EPHA3: variants seen among roughly 807,000 people sequenced by gnomAD.
EPHA3 encodes EPH receptor A3, also known as ephrin type-A receptor 3.
In EPHA3, 42 loss-of-function variants were observed where a neutral mutation model predicts 107.1. The observed-to-expected ratio is 0.39, with a 90% CI of 0.31 to 0.51. The LOEUF (loss-of-function observed/expected upper bound fraction) is 0.51, where lower values mean the gene tolerates loss of function less well. Ranked by LOEUF, EPHA3 falls within the 20% of genes least tolerant of loss-of-function variation. The probability of loss-of-function intolerance (pLI) is 0.78; values close to 1 mark genes in which losing one functional copy is unlikely to be tolerated. For synonymous variants in EPHA3, 461 were observed against 424.8 expected (o/e 1.09, Z -1.05); for missense variants, 1,183 against 1,211.2 (o/e 0.98, Z 0.35).
chr3:89,477,535 G>A (rs190788769), intron 16 of EPHA3, among the ~76,000 whole-genome samples: 12 of 152,114 alleles, frequency 7.9e-5, no homozygotes, highest in East Asian at 1.9e-4. Context: ...TTAAGAAATC[G>A]ATTAATCCAT....
chr3:89,431,011 T>A, intron 12 of EPHA3, 139 bp from the exon 13 acceptor site: 2 of 743,790 alleles, frequency 2.7e-6, no homozygotes, highest in Non-Finnish European at 4.3e-6. Context: ...TTGCCACATA[T>A]CTTTGTCTTG....
rs11272670 is a variant in EPHA3, at chr3:89,208,399, A to AAAGGAAGGAAGGAAGGAAGGAAGGAAGG, written c.154-1434_154-1433insGAAGGAAGGAAGGAAGGAAGGAAGGAAG. 1.6e-3 allele frequency among the ~76,000 whole-genome samples: 42 copies of AAAGGAAGGAAGGAAGGAAGGAAGGAAGG among 26,910 alleles called. 12 individuals carry two copies. Among genetic ancestry groups the AAAGGAAGGAAGGAAGGAAGGAAGGAAGG allele is most frequent in the African/African-American group, 4.8e-3 (26 of 5,376 alleles). 17.7% of individuals were successfully genotyped at this position (26,910 alleles called of 152,430 possible). Reference sequence around the variant, plus strand: ...AAAAAAAAAAGAAAAGAAAGAAAGAAAAGGAAGGAAGGAAGGAAGGAAGGA... The same window carrying AAAGGAAGGAAGGAAGGAAGGAAGGAAGG: ...AAAAAAAAAAGAAAAGAAAGAAAGAAAAGGAAGGAAGGAAGGAAGGAAGGAAGGAAGGAAGGAAGGAAGGAAGGAAGGA... On this transcript the variant is annotated intron_variant, in intron 2 of 16. Transcript: ENST00000336596.
intron 3 of EPHA3, among the ~76,000 whole-genome samples, chr3:89,277,473 C>T (rs184300910): frequency 6.6e-6 from 1 of 152,158 alleles, no homozygotes; most frequent in African/African-American, 2.4e-5. Flanking sequence ...AAAGATAAAT[C>T]TTCTCCACAA....
intron 5 of EPHA3, among the ~76,000 whole-genome samples, chr3:89,343,841 A>T (rs911696259): frequency 2.0e-5 from 3 of 152,184 alleles, no homozygotes; most frequent in Non-Finnish European, 4.4e-5. Flanking sequence ...TCCCAGACCA[A>T]CCAGTATATG....
chr3:89,115,391 C>A (rs1262520203), intron 1 of EPHA3, among the ~76,000 whole-genome samples: 1 of 152,020 alleles, frequency 6.6e-6, no homozygotes, highest in Non-Finnish European at 1.5e-5. Flanking sequence ...CCGTGTTTGA[C>A]TGACACCATT....
chr3:89,373,449 A>G (rs929250151), intron 5 of EPHA3, among the ~76,000 whole-genome samples: 2 of 151,948 alleles, frequency 1.3e-5, no homozygotes, highest in African/African-American at 4.8e-5. Flanking sequence ...TCACAAAACA[A>G]AACCCTGGTG....
intron 6 of EPHA3, among the ~76,000 whole-genome samples, chr3:89,396,569 A>T (rs1463860202): frequency 3.3e-5 from 5 of 152,206 alleles, no homozygotes; most frequent in African/African-American, 1.2e-4. Flanking sequence ...ATTAAAAAAT[A>T]GTTATGTGGT....
chr3:89,310,763 A>T (rs1400085862), intron 3 of EPHA3, among the ~76,000 whole-genome samples: 2 of 152,162 alleles, frequency 1.3e-5, no homozygotes, highest in Non-Finnish European at 2.9e-5. Flanking sequence ...TCATCACCTC[A>T]TGACTTGTCA....
intron 3 of EPHA3, among the ~76,000 whole-genome samples, chr3:89,291,858 G>A (rs139505350): frequency 3.2e-4 from 49 of 152,254 alleles, no homozygotes; most frequent in South Asian, 2.9e-3. Context: ...CAACAAACTT[G>A]TAATCTATGA....
rs1329960943 is a variant in EPHA3, at chr3:89,480,384, C to T, written c.*882C>T. On this transcript the variant is annotated 3_prime_UTR_variant, in exon 17 of 17. Coordinates refer to ENST00000336596, the MANE Select transcript of EPHA3 (RefSeq NM_005233.6). Reference sequence around the variant, plus strand: ...TCTGTTATCCCAATCATTGTTGCCTCTCCGTTTATTATAAACTGTATGCTC... The same window carrying T: ...TCTGTTATCCCAATCATTGTTGCCTTTCCGTTTATTATAAACTGTATGCTC... 4.3e-6 allele frequency: 1 copy of T among 233,152 alleles called. No individual in the cohort carries two copies. Among genetic ancestry groups the T allele is most frequent in the Non-Finnish European group, 8.5e-6 (1 of 117,848 alleles). 14.4% of individuals were successfully genotyped at this position (233,152 alleles called of 1,614,324 possible). A position where few individuals can be genotyped will look rare whatever the true frequency, so the allele number is the denominator to read the frequency against.
Position 89,341,028 on chromosome 3 carries a change from T to C in EPHA3, c.927T>C (p.Asn309=), listed in dbSNP as rs1309359924. The C allele has an allele frequency of 2.5e-6, 4 of 1,614,018 alleles. No individual in the cohort carries two copies. The Admixed American group carries it at 5.0e-5, about 20-fold the overall frequency. ...DGSMNCRCEN[N]YFRADKDPPS... ...CAATGAACTGCAGGTGTGAGAATAATTACTTCCGGGCAGACAAAGACCCTC... is the reference window on the plus strand; with the variant it reads ...CAATGAACTGCAGGTGTGAGAATAACTACTTCCGGGCAGACAAAGACCCTC... The change falls in exon 4 of 17, where the codon AAT becomes AAC. Residue 309 remains asparagine, a synonymous_variant. Transcript: ENST00000336596.
chr3:89,443,434 AG>A (rs1349106649), intron 13 of EPHA3, among the ~76,000 whole-genome samples: 1 of 152,214 alleles, frequency 6.6e-6, no homozygotes, highest in African/African-American at 2.4e-5. Flanking sequence ...TAGTAGCATA[AG>A]AAAAAAGAGG....
At chr3:89,125,734 T>A (rs1704084071) in intron 1 of EPHA3, among the ~76,000 whole-genome samples, 1 of 151,726 alleles carries the variant, frequency 6.6e-6, no homozygotes, top group African/African-American at 2.4e-5. Context: ...ACGTAAAGAA[T>A]CTAACTTTGA....
At chr3:89,219,698 T>TG (rs1559606344) in intron 3 of EPHA3, among the ~76,000 whole-genome samples, 140 of 12,604 alleles carry the variant, frequency 0.011, 40 homozygotes, top group East Asian at 0.026. Flanking sequence ...GTTTTTTTTT[T>TG]TTTTGTTTTT....
intron 3 of EPHA3, among the ~76,000 whole-genome samples, chr3:89,230,759 G>T (rs187957460): frequency 1.3e-5 from 2 of 149,264 alleles, no homozygotes; most frequent in East Asian, 2.0e-4. Context: ...AGATCCACTG[G>T]TATGGTTCCA....
chr3:89,215,501 A>C (rs1704201758), intron 3 of EPHA3, among the ~76,000 whole-genome samples: 1 of 151,878 alleles, frequency 6.6e-6, no homozygotes, highest in Admixed American at 6.6e-5. Flanking sequence ...TATATACTGC[A>C]AATCAGATTA....
intron 3 of EPHA3, among the ~76,000 whole-genome samples, chr3:89,300,995 C>G (rs1003956054): frequency 3.3e-5 from 5 of 152,090 alleles, no homozygotes; most frequent in African/African-American, 1.2e-4. Context: ...TTTTGTCTCC[C>G]TGACCACTCT....
At chr3:89,468,463 G>C (rs1304854457) in intron 15 of EPHA3, among the ~76,000 whole-genome samples, 1 of 152,030 alleles carries the variant, frequency 6.6e-6, no homozygotes, top group African/African-American at 2.4e-5. Context: ...TTTGCTATTA[G>C]GCACACTTCA....
intron 7 of EPHA3, among the ~76,000 whole-genome samples, chr3:89,403,773 C>A (rs1033586236): frequency 3.9e-5 from 6 of 152,114 alleles, no homozygotes; most frequent in African/African-American, 1.4e-4. Context: ...CAAGTCATTT[C>A]AAGTCTCCGT....
Sources: gnomAD v4.1 joint callset for allele counts (sites outside exome capture counted in the v4.1 genomes callset) on GRCh38, gnomAD v4.1.1 for gene constraint, MANE v1.5 for transcripts, NCBI Gene and HGNC (gene_info 2026-07-23, HGNC 2026-07-21) for gene names.